Variants in CCNY observed in about 807,000 individuals in gnomAD.
CCNY encodes cyclin-Y.
In CCNY, 19 loss-of-function variants were observed where a neutral mutation model predicts 42.8. That is an observed-to-expected ratio of 0.44 (90% CI 0.31 to 0.65). CCNY has a LOEUF of 0.65. CCNY is among the 30% of genes least tolerant of loss of function. The pLI, the probability that CCNY is intolerant of heterozygous loss-of-function variation, is 0.07. For synonymous variants in CCNY, 165 were observed against 162.7 expected, an observed-to-expected ratio of 1.01 and a Z score of -0.11; for missense variants, 370 against 437.3, an observed-to-expected ratio of 0.85 and a Z score of 1.37.
intron 1 of CCNY, among the ~76,000 whole-genome samples, chr10:35,443,590 C>T (rs1032806895): frequency 7.2e-5 from 11 of 152,148 alleles, no homozygotes; most frequent in Non-Finnish European, 1.0e-4. Context: ...GGACTTTCCT[C>T]GCAGTCTAAT....
intron 1 of CCNY, among the ~76,000 whole-genome samples, chr10:35,476,197 C>G (rs1435401410): frequency 1.3e-5 from 2 of 152,158 alleles, no homozygotes; most frequent in African/African-American, 2.4e-5. Context: ...GAGACTTTAA[C>G]ACCCACTGTC....
chr10:35,347,572 G>T (rs933424378), intron 1 of CCNY: 1 of 231,232 alleles, frequency 4.3e-6, no homozygotes, highest in African/African-American at 2.3e-5. Flanking sequence ...TGGTCAATAA[G>T]GAAAAAGAGC....
chr10:35,520,987 T>A (rs557185857), intron 4 of CCNY, among the ~76,000 whole-genome samples: 37 of 152,306 alleles, frequency 2.4e-4, no homozygotes, highest in African/African-American at 8.2e-4. Flanking sequence ...GAACAGCTAA[T>A]GCCCGTCACA....
At chr10:35,285,651 T>C (rs964441353) in intron 3 of CCNY, among the ~76,000 whole-genome samples, 1 of 152,210 alleles carries the variant, frequency 6.6e-6, no homozygotes, top group Admixed American at 6.5e-5. Context: ...AGGGTCTCAT[T>C]ATGTTACTTA....
At chr10:35,474,594 T>C (rs1839464733) in intron 1 of CCNY, among the ~76,000 whole-genome samples, 1 of 151,946 alleles carries the variant, frequency 6.6e-6, no homozygotes, top group South Asian at 2.1e-4. Flanking sequence ...GTCCTGTCTG[T>C]TAGAAGGAAA....
At chr10:35,568,952 G>GAGTCTTGTGTT in intron 9 of CCNY, 102 bp from the exon 10 acceptor site, 1 of 750,402 alleles carries the variant, frequency 1.3e-6, no homozygotes, top group Non-Finnish European at 2.4e-6. Flanking sequence ...AGGGGCAGGG[G>GAGTCTTGTGTT]CTCTGCCTGT....
At chr10:35,417,272 C>T (rs1208021542) in intron 1 of CCNY, among the ~76,000 whole-genome samples, 1 of 152,192 alleles carries the variant, frequency 6.6e-6, no homozygotes, top group African/African-American at 2.4e-5. Context: ...TCTCATTCCA[C>T]AGTGCCTTTC....
At chr10:35,448,929 C>G (rs1202433098) in intron 1 of CCNY, among the ~76,000 whole-genome samples, 2 of 151,926 alleles carry the variant, frequency 1.3e-5, no homozygotes, top group Non-Finnish European at 2.9e-5. Flanking sequence ...TGAGGCATGT[C>G]AAGGGGCAAG....
chr10:35,437,207 A>C (rs1838555909), intron 1 of CCNY, among the ~76,000 whole-genome samples: 1 of 152,218 alleles, frequency 6.6e-6, no homozygotes, highest in South Asian at 2.1e-4. Context: ...ACACAGAGCC[A>C]AATCATATCA....
At chr10:35,493,819 A>G (rs1282243121) in intron 2 of CCNY, among the ~76,000 whole-genome samples, 1 of 152,228 alleles carries the variant, frequency 6.6e-6, no homozygotes, top group Non-Finnish European at 1.5e-5. Context: ...CCCTGTACGT[A>G]AGACAACACA....
intron 1 of CCNY, among the ~76,000 whole-genome samples, chr10:35,383,659 A>G (rs571834021): frequency 3.9e-5 from 6 of 152,174 alleles, no homozygotes; most frequent in African/African-American, 1.4e-4. Flanking sequence ...TAGCTTATCA[A>G]TATTTTCTCA....
rs556261356 is a variant in CCNY, at chr10:35,309,101, G to A, written c.-9+58475G>A. Among the ~76,000 whole-genome samples, 3 of 152,302 alleles carry A rather than the reference G, an allele frequency of 2.0e-5. No homozygotes were observed. The South Asian group carries it at 6.2e-4, about 32-fold the overall frequency. On this transcript the variant is annotated intron_variant, in intron 3 of 11. Coordinates refer to the CCNY transcript ENST00000374706. Reference sequence around the variant, plus strand: ...GGGTATATGGGGGAGTCCAAGCCTGGAGACAAAGATTTGAGAATCAGCCAT... The same window carrying A: ...GGGTATATGGGGGAGTCCAAGCCTGAAGACAAAGATTTGAGAATCAGCCAT...
At position 35,539,893 on chromosome 10, in the gene CCNY, A is replaced by G. The variant is rs184003038; in HGVS notation, c.579+9650A>G. On this transcript the variant is annotated intron_variant, in intron 7 of 9. Transcript: ENST00000374704. ...ATTTTTGGTGGTTTATTGCTAGACT[A>G]TAGAAATACAATTTATTTTTATAGA... 3.6e-3 allele frequency among the ~76,000 whole-genome samples: 548 copies of G among 152,352 alleles called. 5 individuals carry two copies. The highest frequency in any genetic ancestry group is 0.013 in the African/African-American group (520 of 41,580).
chr10:35,387,867 C>T (rs1837331209), intron 1 of CCNY, among the ~76,000 whole-genome samples: 1 of 152,178 alleles, frequency 6.6e-6, no homozygotes, highest in South Asian at 2.1e-4. Flanking sequence ...GGATTCCATA[C>T]TGAAGCACAG....
intron 7 of CCNY, among the ~76,000 whole-genome samples, chr10:35,532,692 G>A (rs978569363): frequency 1.3e-5 from 2 of 152,198 alleles, no homozygotes; most frequent in Admixed American, 1.3e-4. Flanking sequence ...GCAGCTGGAG[G>A]AAGCCAGGCC....
At chr10:35,402,111 C>T (rs1337384768) in intron 1 of CCNY, among the ~76,000 whole-genome samples, 3 of 151,764 alleles carry the variant, frequency 2.0e-5, no homozygotes, top group South Asian at 2.1e-4. Context: ...AGATAATGGG[C>T]GATGTTTCTC....
intron 3 of CCNY, among the ~76,000 whole-genome samples, chr10:35,272,833 G>T (rs1456518260): frequency 1.3e-5 from 2 of 152,080 alleles, no homozygotes; most frequent in Non-Finnish European, 1.5e-5. Flanking sequence ...TTAGGTCTTT[G>T]AGGAATCACC....
intron 1 of CCNY, among the ~76,000 whole-genome samples, chr10:35,406,502 C>T (rs1000434620): frequency 6.6e-5 from 10 of 152,116 alleles, no homozygotes; most frequent in Admixed American, 2.0e-4. Flanking sequence ...TCCATTTAAC[C>T]CTGAGTGGAC....
intron 1 of CCNY, among the ~76,000 whole-genome samples, chr10:35,338,180 GAA>G (rs1836093658): frequency 6.6e-6 from 1 of 152,140 alleles, no homozygotes; most frequent in African/African-American, 2.4e-5. Flanking sequence ...ATTTTTGTGT[GAA>G]TGAATGAACA....
Sources: allele counts gnomAD v4.1 joint callset (sites outside exome capture counted in the v4.1 genomes callset), GRCh38; gene constraint gnomAD v4.1.1; transcripts MANE v1.5; gene names NCBI Gene and HGNC (gene_info 2026-07-23, HGNC 2026-07-21).